Variants in AFG2A observed in about 807,000 individuals in gnomAD.
AFG2A encodes the protein ATPase family gene 2 protein homolog A.
the AFG2A span, among the ~76,000 whole-genome samples, chr4:123,313,017 T>G: frequency 6.6e-6 from 1 of 152,256 alleles, no homozygotes; most frequent in South Asian, 2.1e-4. Context: ...CTGTTTTCCC[T>G]GTTGCCCTGA....
At chr4:123,243,497 A>T in the AFG2A span, among the ~76,000 whole-genome samples, 1 of 152,154 alleles carries the variant, frequency 6.6e-6, no homozygotes, top group Non-Finnish European at 1.5e-5. Flanking sequence ...TATCAGAAGG[A>T]CAGAAAACCA....
chr4:123,065,462 T>C, the AFG2A span, among the ~76,000 whole-genome samples: 1 of 152,316 alleles, frequency 6.6e-6, no homozygotes, highest in East Asian at 1.9e-4. Flanking sequence ...TAATACCTGG[T>C]ATTTAATAAC....
the AFG2A span, among the ~76,000 whole-genome samples, chr4:123,034,215 A>T: frequency 2.6e-5 from 4 of 152,146 alleles, no homozygotes; most frequent in Non-Finnish European, 5.9e-5. Context: ...CAGATTCCAC[A>T]GGCTGACTAC....
chr4:123,181,907 T>G, the AFG2A span, among the ~76,000 whole-genome samples: 5 of 152,202 alleles, frequency 3.3e-5, no homozygotes, highest in African/African-American at 1.2e-4. Flanking sequence ...AATAATTTAG[T>G]CATGTTAAGT....
the AFG2A span, among the ~76,000 whole-genome samples, chr4:122,985,514 G>T: frequency 7.9e-5 from 12 of 152,114 alleles, no homozygotes; most frequent in African/African-American, 2.7e-4. Flanking sequence ...AGCTAGGAGG[G>T]TTGTATTTTT....
At chr4:123,292,020 C>T in the AFG2A span, among the ~76,000 whole-genome samples, 1,908 of 152,104 alleles carry the variant, frequency 0.013, 44 homozygotes, top group African/African-American at 0.044. Flanking sequence ...TAGGTTTGGA[C>T]GTTTTATATA....
At chr4:123,066,312 C>A in the AFG2A span, among the ~76,000 whole-genome samples, 6 of 152,060 alleles carry the variant, frequency 3.9e-5, no homozygotes, top group Non-Finnish European at 8.8e-5. Context: ...TTGTAGGCAT[C>A]ATTTCTCTAA....
At chr4:123,315,714 A>G in the AFG2A span, 1 of 152,182 alleles carries the variant, frequency 6.6e-6, no homozygotes, top group African/African-American at 2.4e-5. Flanking sequence ...CCAGAAAGAC[A>G]AATCAGACAA....
At chr4:123,134,092 C>G in the AFG2A span, among the ~76,000 whole-genome samples, 1 of 152,022 alleles carries the variant, frequency 6.6e-6, no homozygotes, top group Non-Finnish European at 1.5e-5. Flanking sequence ...TCTATTGTTT[C>G]TTTGGTGTGC....
At chr4:123,052,615 C>A in the AFG2A span, among the ~76,000 whole-genome samples, 2 of 152,176 alleles carry the variant, frequency 1.3e-5, no homozygotes, top group African/African-American at 4.8e-5. Context: ...GAATTCTAAG[C>A]CAACTGAGTA....
At chr4:123,032,567 G>A in the AFG2A span, among the ~76,000 whole-genome samples, 1 of 151,966 alleles carries the variant, frequency 6.6e-6, no homozygotes, top group Non-Finnish European at 1.5e-5. Context: ...AGGCATCCAC[G>A]ACTATGCCCG....
chr4:122,982,083 C>T, the AFG2A span, among the ~76,000 whole-genome samples: 5 of 152,028 alleles, frequency 3.3e-5, no homozygotes, highest in African/African-American at 4.8e-5. Flanking sequence ...TGCTCTTCAT[C>T]TTAGAGGAAA....
the AFG2A span, among the ~76,000 whole-genome samples, chr4:123,179,855 T>C: frequency 2.0e-5 from 3 of 152,174 alleles, no homozygotes; most frequent in African/African-American, 7.2e-5. Context: ...CTAGAGGAAT[T>C]TTATCAAAAA....
chr4:123,157,190 A>AT, the AFG2A span, among the ~76,000 whole-genome samples: 386 of 143,250 alleles, frequency 2.7e-3, 1 homozygote, highest in Non-Finnish European at 4.4e-3. Context: ...TAATTTTTGT[A>AT]TTTTTTTTTT....
At chr4:123,210,890 T>C in the AFG2A span, among the ~76,000 whole-genome samples, 3 of 152,090 alleles carry the variant, frequency 2.0e-5, no homozygotes, top group Non-Finnish European at 4.4e-5. Context: ...TTTTTTTTCC[T>C]GTTGGCTAAT....
the AFG2A span, among the ~76,000 whole-genome samples, chr4:123,017,204 GGAGA>G: frequency 5.3e-3 from 660 of 124,196 alleles, 5 homozygotes; most frequent in Middle Eastern, 0.034. Flanking sequence ...AGAGGGAGAG[GGAGA>G]GAGAGAGGGA....
At chr4:123,051,774 C>G in the AFG2A span, among the ~76,000 whole-genome samples, 8 of 151,486 alleles carry the variant, frequency 5.3e-5, no homozygotes, top group East Asian at 1.6e-3. Flanking sequence ...TTCACTCCCT[C>G]CAACCCTAAG....
the AFG2A span, among the ~76,000 whole-genome samples, chr4:122,953,435 A>C: frequency 6.6e-6 from 1 of 152,242 alleles, no homozygotes; most frequent in Non-Finnish European, 1.5e-5. Flanking sequence ...AGTATCCACT[A>C]GGGCACGCAC....
At chr4:122,924,226 C>A in the AFG2A span, among the ~76,000 whole-genome samples, 1 of 152,210 alleles carries the variant, frequency 6.6e-6, no homozygotes, top group South Asian at 2.1e-4. Flanking sequence ...ATGCTCATTT[C>A]TCTTCCATCT....
Sources: allele counts gnomAD v4.1 joint callset (sites outside exome capture counted in the v4.1 genomes callset), GRCh38; gene constraint gnomAD v4.1.1; transcripts MANE v1.5; gene names NCBI Gene and HGNC (gene_info 2026-07-23, HGNC 2026-07-21).